Variants in UBR1 observed in about 807,000 individuals in gnomAD.
UBR1 encodes E3 ubiquitin-protein ligase UBR1.
In UBR1, 102 loss-of-function variants were observed where a neutral mutation model predicts 242.1. That is an observed-to-expected ratio of 0.42 (90% CI 0.36 to 0.50). The LOEUF is 0.50. Ranked by LOEUF, UBR1 falls within the 20% of genes least tolerant of loss-of-function variation. The pLI is 0.01. For synonymous variants in UBR1, 675 were observed against 684.8 expected, an observed-to-expected ratio of 0.99 and a Z score of 0.22; for missense variants, 1,772 against 2,101.8, an observed-to-expected ratio of 0.84 and a Z score of 3.07.
chr15:42,965,699 T>C (rs2032094840), intron 41 of UBR1, among the ~76,000 whole-genome samples: 1 of 152,158 alleles, frequency 6.6e-6, no homozygotes, highest in Non-Finnish European at 1.5e-5. Flanking sequence ...ACTCCTGACC[T>C]CAAGTGATCC....
chr15:42,988,767 T>C, intron 35 of UBR1, 52 bp downstream of exon 35: 1 of 1,609,620 alleles, frequency 6.2e-7, no homozygotes, highest in Middle Eastern at 1.7e-4. Flanking sequence ...GAATGAATGA[T>C]CAAAGTTAAT....
intron 1 of UBR1, among the ~76,000 whole-genome samples, chr15:43,087,538 A>G (rs953735081): frequency 1.3e-5 from 2 of 152,244 alleles, no homozygotes; most frequent in Non-Finnish European, 2.9e-5. Flanking sequence ...TCAATATTCC[A>G]TTCACAAATA....
intron 3 of UBR1, among the ~76,000 whole-genome samples, chr15:43,080,605 A>G (rs2033964440): frequency 6.6e-6 from 1 of 152,182 alleles, no homozygotes; most frequent in Non-Finnish European, 1.5e-5. Context: ...CCATTCACCT[A>G]CTGAAGGACA....
chr15:42,982,214 G>A lies in UBR1; in HGVS notation c.4150+1683C>T, dbSNP rs555072049. Among the ~76,000 whole-genome samples the A allele has an allele frequency of 6.6e-5, 10 of 152,332 alleles. No homozygotes were observed. In the East Asian group the frequency reaches 1.7e-3, roughly 26 times the overall value. Reference sequence around the variant, plus strand: ...TTGTAAATCCCATAATGTTTAACAAGTGCAAAAGCAGTGAAACCATTTGGA... The same window carrying A: ...TTGTAAATCCCATAATGTTTAACAAATGCAAAAGCAGTGAAACCATTTGGA... On this transcript the variant is annotated intron_variant, in intron 37 of 46. Transcript: ENST00000290650.
At chr15:42,989,212 C>T (rs1004383816) in intron 34 of UBR1, among the ~76,000 whole-genome samples, 1 of 152,250 alleles carries the variant, frequency 6.6e-6, no homozygotes, top group African/African-American at 2.4e-5. Flanking sequence ...TACATAACTT[C>T]ACTTCCTGTA....
chr15:42,990,281 C>T (rs549334909), intron 33 of UBR1, among the ~76,000 whole-genome samples, 161 bp from the exon 34 acceptor site: 1 of 152,144 alleles, frequency 6.6e-6, no homozygotes, highest in African/African-American at 2.4e-5. Context: ...CAGGCTCAAG[C>T]GATCCTCCCA....
intron 15 of UBR1, among the ~76,000 whole-genome samples, chr15:43,039,254 C>A (rs973327687): frequency 6.6e-6 from 1 of 152,056 alleles, no homozygotes; most frequent in Non-Finnish European, 1.5e-5. Context: ...AAAACTCATA[C>A]AAGAAAACGT....
In UBR1 at chr15:43,047,399, C is replaced by T. The variant is rs115663043; in HGVS notation, c.1540-110G>A. The T allele has an allele frequency of 1.1e-3, 1,655 of 1,528,044 alleles. 22 individuals carry two copies. In the African/African-American group the frequency reaches 0.021, roughly 19 times the overall value. 94.7% of individuals were successfully genotyped at this position (1,528,044 alleles called of 1,614,324 possible). A position where few individuals can be genotyped will look rare whatever the true frequency, so the allele number is the denominator to read the frequency against. ...TCATAACATTTTAACATGGTTGTTA[C>T]ACTGGGTCAGAATGCATGGGTTCAA... On this transcript the variant is annotated intron_variant, in intron 13 of 46. Coordinates refer to ENST00000290650, the MANE Select transcript of UBR1 (RefSeq NM_174916.3).
At position 42,957,987 on chromosome 15, in the gene UBR1, C is replaced by G. The variant is rs1270396278; in HGVS notation, c.4835+26G>C. 6 of 1,571,532 alleles carry G rather than the reference C, an allele frequency of 3.8e-6. No homozygotes were observed. The East Asian group carries it at 1.3e-4, about 35-fold the overall frequency. ...GTTCAGAAAATGATTTAAAATTACACACATATATATACACACTCTCCTTAC... is the reference window on the plus strand; with the variant it reads ...GTTCAGAAAATGATTTAAAATTACAGACATATATATACACACTCTCCTTAC... On this transcript the variant is annotated intron_variant, in intron 44 of 46. Coordinates refer to ENST00000290650, the MANE Select transcript of UBR1 (RefSeq NM_174916.3).
intron 10 of UBR1, among the ~76,000 whole-genome samples, chr15:43,057,150 A>G (rs1467486409): frequency 4.6e-5 from 7 of 152,232 alleles, no homozygotes; most frequent in Non-Finnish European, 7.3e-5. Flanking sequence ...TGTATAAGAA[A>G]ACAAAATTTC....
intron 6 of UBR1, among the ~76,000 whole-genome samples, chr15:43,061,662 C>T (rs920273701): frequency 1.3e-5 from 2 of 151,980 alleles, no homozygotes; most frequent in Non-Finnish European, 1.5e-5. Flanking sequence ...TTTGCAGCAA[C>T]CTGGGTGAGA....
Position 43,054,742 on chromosome 15 carries a change from T to G in UBR1, c.1439A>C (p.Lys480Thr). 6.2e-7 allele frequency: 1 copy of G among 1,614,082 alleles called. No homozygotes were observed. The highest frequency in any genetic ancestry group is 8.5e-7 in the Non-Finnish European group (1 of 1,179,982). The part of the protein sequence containing the change: ...GRVYAVICDL[K>T]YILISKPTIW... ...TCACCTTTTGACTTGAACAACTTAC[T>G]TTAGGTCACATATTACTGCATATAC... The change falls in exon 12 of 47, where the codon AAG becomes ACG. Residue 480 changes from lysine (K) to threonine (T), a missense_variant and splice_region_variant. Physicochemically the swap from Lys to Thr is moderately conservative, Grantham distance 78. Transcript: ENST00000290650.
chr15:42,952,328 A>G lies in UBR1; in HGVS notation c.4956T>C (p.Ala1652=). The G allele has an allele frequency of 1.9e-6, 3 of 1,614,174 alleles. No individual in the cohort carries two copies. Among genetic ancestry groups the G allele is most frequent in the South Asian group, 2.2e-5 (2 of 91,074 alleles). The stretch of plus-strand genomic sequence containing the variant: ...CACAGTGAAGTGCGTGAAAAATGCA[A>G]GCTCCAACCTCTTCCCCGTTCACAA... ...QEIVNGEEVG[A]CIFHALHCGA... is the part of the protein sequence containing the mutation. The change falls in exon 45 of 47, where the codon GCT becomes GCC. Residue 1652 remains alanine, a synonymous_variant. Coordinates refer to ENST00000290650, the MANE Select transcript of UBR1 (RefSeq NM_174916.3).
At chr15:43,092,633 A>C (rs2034117404) in intron 1 of UBR1, among the ~76,000 whole-genome samples, 1 of 152,144 alleles carries the variant, frequency 6.6e-6, no homozygotes, top group African/African-American at 2.4e-5. Flanking sequence ...GGCTCACTGC[A>C]ACCTCTGCCC....
intron 30 of UBR1, among the ~76,000 whole-genome samples, chr15:43,006,613 A>C (rs938140960): frequency 2.0e-5 from 3 of 152,262 alleles, no homozygotes; most frequent in African/African-American, 7.2e-5. Context: ...TAAAGCAGCT[A>C]ATTCCTGATG....
rs201919661 is a variant in UBR1, at chr15:43,059,140, C to T, written c.1038G>A (p.Ser346=). The T allele has an allele frequency of 3.7e-5, 60 of 1,614,004 alleles. No homozygotes were observed. Among genetic ancestry groups the T allele is most frequent in the Middle Eastern group, 3.3e-4 (2 of 6,080 alleles). ...CQACLREEPD[S]ENPCLISRLM... is the part of the protein sequence containing the mutation. Reference sequence around the variant, plus strand: ...ACCTGCTTATGAGACAGGGATTCTCCGAGTCAGGTTCTTCTCTAAGGCATG... The same window carrying T: ...ACCTGCTTATGAGACAGGGATTCTCTGAGTCAGGTTCTTCTCTAAGGCATG... Residue 346 remains serine, a synonymous_variant, in exon 9 of 47, where the codon TCG becomes TCA. Coordinates refer to ENST00000290650, the MANE Select transcript of UBR1 (RefSeq NM_174916.3).
Position 43,037,872 on chromosome 15 carries a change from T to C in UBR1, c.1923A>G (p.Gln641=). The change falls in exon 17 of 47, where the codon CAA becomes CAG. Residue 641 remains glutamine, a synonymous_variant. Coordinates refer to ENST00000290650, the MANE Select transcript of UBR1 (RefSeq NM_174916.3). ...LHEFVSFEDF[Q]VEVLVEYPLR... ...AAGGATATTCCACTAGTACCTCTAC[T>C]TGAAAGTCCTCCTGAAATAGAGTGA... 1 of 1,613,794 alleles carries C rather than the reference T, an allele frequency of 6.2e-7. No individual in the cohort carries two copies. The highest frequency in any genetic ancestry group is 8.5e-7 in the Non-Finnish European group (1 of 1,179,836).
In UBR1 at chr15:43,061,974, T is replaced by TA. The variant is rs917828478; in HGVS notation, c.799-1861dup. Reference sequence around the variant, plus strand: ...ACCTAGGGAAAAAATGAGTTGGCTGTAAAAAAAAAAATAATAATAACAAGT... The same window carrying TA: ...ACCTAGGGAAAAAATGAGTTGGCTGTAAAAAAAAAAAATAATAATAACAAGT... On this transcript the variant is annotated intron_variant, in intron 6 of 46. Coordinates refer to ENST00000290650, the MANE Select transcript of UBR1 (RefSeq NM_174916.3). Among the ~76,000 whole-genome samples the TA allele has an allele frequency of 8.3e-3, 1,211 of 146,590 alleles. 13 individuals are homozygous for TA. Among genetic ancestry groups the TA allele is most frequent in the Middle Eastern group, 0.028 (8 of 286 alleles).
At chr15:42,953,510 C>T (rs1010627849) in intron 44 of UBR1, among the ~76,000 whole-genome samples, 2 of 152,176 alleles carry the variant, frequency 1.3e-5, no homozygotes, top group Non-Finnish European at 1.5e-5. Context: ...AGGGACTCTG[C>T]GCATAGGATG....
Sources: allele counts gnomAD v4.1 joint callset (sites outside exome capture counted in the v4.1 genomes callset), GRCh38; gene constraint gnomAD v4.1.1; transcripts MANE v1.5; gene names NCBI Gene and HGNC (gene_info 2026-07-23, HGNC 2026-07-21).